ITSN1: variants seen among roughly 807,000 people sequenced by gnomAD.
The protein encoded by ITSN1 is intersectin 1, also known as intersectin-1.
In ITSN1, 58 loss-of-function variants were observed where a neutral mutation model predicts 239.8. The ratio of observed to expected loss-of-function variants is 0.24; its 90% CI spans 0.20 to 0.30. The LOEUF (loss-of-function observed/expected upper bound fraction) is 0.30. Among genes scored for constraint, ITSN1 ranks in the 10% least tolerant of loss-of-function variants. The pLI, the probability that ITSN1 is intolerant of heterozygous loss-of-function variation, is 1.00. For missense variants in ITSN1, 1,558 were observed against 2,103.3 expected (o/e 0.74, Z 5.07); for synonymous variants, 780 against 770.8 (o/e 1.01, Z -0.20).
intron 1 of ITSN1, among the ~76,000 whole-genome samples, chr21:33,656,083 G>A (rs1568854609): frequency 6.6e-6 from 1 of 152,126 alleles, no homozygotes; most frequent in Non-Finnish European, 1.5e-5. Context: ...GAAATGTAGT[G>A]ACTCACATAC....
chr21:33,676,054 C>A (rs1446533084), intron 1 of ITSN1, among the ~76,000 whole-genome samples: 2 of 149,126 alleles, frequency 1.3e-5, no homozygotes, highest in Admixed American at 1.3e-4. Context: ...TTTTGTTTGA[C>A]ATGGAGTTTT....
At chr21:33,802,975 CT>C (rs1373612094) in intron 20 of ITSN1, among the ~76,000 whole-genome samples, 1 of 152,184 alleles carries the variant, frequency 6.6e-6, no homozygotes, top group Non-Finnish European at 1.5e-5. Context: ...GAACAGTTCA[CT>C]TTGAAAGACA....
At position 33,888,307 on chromosome 21, in the gene ITSN1, GGCTCAGGGTGT is replaced by G. The variant is rs1313972107; in HGVS notation, c.*14_*24del. 6.2e-7 allele frequency: 1 copy of G among 1,609,328 alleles called. No homozygotes were observed. Among genetic ancestry groups the G allele is most frequent in the South Asian group, 1.1e-5 (1 of 90,632 alleles). ...GTTGTTTGATGAGCCGTAGGCAGCG[GGCTCAGGGTGT>G]GCTCAGCAGGGTCCCAGCCCACGGC... On this transcript the variant is annotated 3_prime_UTR_variant, in exon 40 of 40. Transcript: ENST00000381318.
rs762086740 is a variant in ITSN1, at chr21:33,806,047, C to CAAA, written c.2319+3615_2319+3617dup. Among the ~76,000 whole-genome samples, 542 of 113,000 alleles carry CAAA rather than the reference C, an allele frequency of 4.8e-3. 3 individuals are homozygous for CAAA. Among genetic ancestry groups the CAAA allele is most frequent in the South Asian group, 0.023 (85 of 3,660 alleles). The allele number at this position is 113,000 out of a possible 152,430, so 74.1% of individuals were successfully genotyped here. On this transcript the variant is annotated intron_variant, in intron 20 of 39. Transcript: ENST00000381318. ...TGAAACCCCGTCTCTACTAAAAATA[C>CAAA]AAAAAAAAAAAAAATTAGCCGGGCA...
intron 27 of ITSN1, 43 bp downstream of exon 27, chr21:33,829,788 T>G (rs1569267841): frequency 6.2e-7 from 1 of 1,608,650 alleles, no homozygotes; most frequent in South Asian, 1.1e-5. Flanking sequence ...CATCCAAGTT[T>G]CAATACACAA....
intron 9 of ITSN1, among the ~76,000 whole-genome samples, chr21:33,763,965 CT>C (rs1027405943): frequency 2.6e-5 from 4 of 152,200 alleles, no homozygotes; most frequent in African/African-American, 9.7e-5. Flanking sequence ...CTCTTCCCTT[CT>C]GTTTTGTATG....
Position 33,810,971 on chromosome 21 carries a change from A to G in ITSN1, c.2320-4A>G. ...TCTACTTAAAGCTGTGACTTTTTCC[A>G]CAGGTGGATGAAAGCCAAACTGGAG... On this transcript the variant is annotated splice_region_variant and splice_polypyrimidine_tract_variant and intron_variant, in intron 20 of 39. Transcript: ENST00000381318. 6.2e-7 allele frequency: 1 copy of G among 1,614,192 alleles called. No homozygotes were observed. The highest frequency in any genetic ancestry group is 8.5e-7 in the Non-Finnish European group (1 of 1,180,036).
At chr21:33,751,950 T>TA (rs780230819) in intron 7 of ITSN1, 44 bp downstream of exon 7, 22 of 1,158,640 alleles carry the variant, frequency 1.9e-5, no homozygotes, top group Non-Finnish European at 2.7e-5. Flanking sequence ...TTAAGGCCAT[T>TA]ACCTGATTAA....
chr21:33,766,128 C>T lies in ITSN1; in HGVS notation c.926+116C>T, dbSNP rs558161532. 732 of 1,110,364 alleles carry T rather than the reference C, an allele frequency of 6.6e-4. No individual in the cohort carries two copies. In the African/African-American group the frequency reaches 8.3e-3, roughly 13 times the overall value. The allele number at this position is 1,110,364 out of a possible 1,614,324, so 68.8% of individuals were successfully genotyped here. ...ATCCCTGACAAGGAAACTAAGTATC[C>T]GTGAATTCTAGAGACTCTCATCTAG... On this transcript the variant is annotated intron_variant, in intron 10 of 39. Coordinates refer to ENST00000381318, the MANE Select transcript of ITSN1 (RefSeq NM_003024.3).
intron 16 of ITSN1, among the ~76,000 whole-genome samples, chr21:33,784,021 A>G (rs983409387): frequency 6.6e-6 from 1 of 152,226 alleles, no homozygotes; most frequent in African/African-American, 2.4e-5. Context: ...TGCTTTCAGT[A>G]TCACAGAGTT....
intron 1 of ITSN1, among the ~76,000 whole-genome samples, chr21:33,693,733 C>T (rs892705725): frequency 2.6e-4 from 40 of 152,230 alleles, no homozygotes; most frequent in African/African-American, 9.2e-4. Flanking sequence ...ATCATACACA[C>T]TGCTATTCTG....
At chr21:33,754,860 G>A (rs1475578878) in intron 7 of ITSN1, among the ~76,000 whole-genome samples, 1 of 152,152 alleles carries the variant, frequency 6.6e-6, no homozygotes, top group Non-Finnish European at 1.5e-5. Flanking sequence ...CGTATAGAAA[G>A]TTAAAACATT....
intron 4 of ITSN1, among the ~76,000 whole-genome samples, chr21:33,727,757 C>T (rs528066123): frequency 7.9e-5 from 12 of 152,164 alleles, no homozygotes; most frequent in African/African-American, 1.4e-4. Context: ...CACCTGGGCA[C>T]CGTGCTTGAT....
rs145345122 is a variant in ITSN1 at position 33,865,273 on chromosome 21, A to G, written c.4013A>G (p.Asn1338Ser). ...PYIRFCSRQL[N>S]GAALIQQKTD... ...ATCCGCTTCTGCAGCCGCCAGCTCA[A>G]CGGGGCTGCCCTGATCCAGCAGAAG... The change falls in exon 32 of 40, where the codon AAC becomes AGC. Residue 1338 changes from asparagine to serine, a missense_variant. Physicochemically the swap from Asn to Ser is conservative, Grantham distance 46. Transcript: ENST00000381318. The surrounding 1 kb of genome is among the most constrained non-coding windows in gnomAD (Gnocchi z 4.4). The G allele has an allele frequency of 3.7e-6, 6 of 1,605,754 alleles. No homozygotes were observed. The highest frequency in any genetic ancestry group is 1.7e-5 in the Admixed American group (1 of 58,762).
chr21:33,666,031 C>G (rs1348817954), intron 1 of ITSN1, among the ~76,000 whole-genome samples: 6 of 151,794 alleles, frequency 4.0e-5, no homozygotes, highest in African/African-American at 7.3e-5. Context: ...CAGGTTCAAG[C>G]TATTCTCGTG....
intron 21 of ITSN1, among the ~76,000 whole-genome samples, 155 bp from the exon 22 acceptor site, chr21:33,813,754 TTTTA>T (rs149351561): frequency 6.0e-5 from 9 of 150,000 alleles, no homozygotes; most frequent in African/African-American, 2.0e-4. Flanking sequence ...TTTTTTCCTC[TTTTA>T]TTTATTTATT....
chr21:33,677,643 A>G (rs909354606), intron 1 of ITSN1, among the ~76,000 whole-genome samples: 1 of 152,188 alleles, frequency 6.6e-6, no homozygotes, highest in East Asian at 1.9e-4. Flanking sequence ...CCCAGCCCAA[A>G]ACGGAATTCT....
At chr21:33,839,256 C>T (rs908222748) in intron 29 of ITSN1, among the ~76,000 whole-genome samples, 5 of 152,110 alleles carry the variant, frequency 3.3e-5, no homozygotes, top group African/African-American at 9.7e-5. Context: ...TAAATATGCA[C>T]GGTATGTGTG....
chr21:33,749,129 C>T (rs2067380496), intron 5 of ITSN1, among the ~76,000 whole-genome samples: 1 of 151,800 alleles, frequency 6.6e-6, no homozygotes, highest in African/African-American at 2.4e-5. Context: ...GCTAGGCCTA[C>T]AGGCGGGTAC....
Sources: gnomAD v4.1 joint callset for allele counts (sites outside exome capture counted in the v4.1 genomes callset) on GRCh38, gnomAD v4.1.1 for gene constraint, Gnocchi (gnomAD v3.1) non-coding constraint, MANE v1.5 for transcripts, NCBI Gene and HGNC (gene_info 2026-07-23, HGNC 2026-07-21) for gene names.